Variants in PGCKA1 observed in about 807,000 individuals in gnomAD.
The protein encoded by PGCKA1 is PDCD10 and GCKIII kinases-associated protein 1.
At chr4:37,507,833 C>T in the PGCKA1 span, among the ~76,000 whole-genome samples, 2 of 152,148 alleles carry the variant, frequency 1.3e-5, no homozygotes, top group African/African-American at 4.8e-5. Flanking sequence ...GATTGAAATA[C>T]TCCCTTTAGC....
At chr4:37,494,436 A>G in the PGCKA1 span, among the ~76,000 whole-genome samples, 88 of 152,206 alleles carry the variant, frequency 5.8e-4, 1 homozygote, top group South Asian at 8.9e-3. Flanking sequence ...CAGCTCCATG[A>G]TCCTTCAAAG....
the PGCKA1 span, among the ~76,000 whole-genome samples, chr4:37,488,625 C>G: frequency 6.6e-6 from 1 of 152,146 alleles, no homozygotes. Context: ...TGGGAACTCT[C>G]CTGCCAGAGC....
chr4:37,590,895 T>C, the PGCKA1 span: 34 of 1,613,974 alleles, frequency 2.1e-5, no homozygotes, highest in Middle Eastern at 1.6e-4. Context: ...ATGGCTCCGA[T>C]GGAGATGGGG....
the PGCKA1 span, among the ~76,000 whole-genome samples, chr4:37,459,465 C>T: frequency 6.6e-6 from 1 of 152,116 alleles, no homozygotes; most frequent in Admixed American, 6.5e-5. Flanking sequence ...AGTTATTTGC[C>T]CTTAGTCACA....
chr4:37,538,279 T>A, the PGCKA1 span, among the ~76,000 whole-genome samples: 1 of 152,198 alleles, frequency 6.6e-6, no homozygotes, highest in South Asian at 2.1e-4. Context: ...TCACCTGTCC[T>A]TGGTAAATAA....
At chr4:37,485,782 A>G in the PGCKA1 span, among the ~76,000 whole-genome samples, 1 of 152,166 alleles carries the variant, frequency 6.6e-6, no homozygotes, top group African/African-American at 2.4e-5. Context: ...CATGTCAGTC[A>G]GCTACTTCCC....
chr4:37,580,265 AT>A, the PGCKA1 span, among the ~76,000 whole-genome samples: 1 of 142,274 alleles, frequency 7.0e-6, no homozygotes, highest in Non-Finnish European at 1.5e-5. Context: ...TTTCTCTAGG[AT>A]TGGTCCCTGG....
chr4:37,501,653 G>C, the PGCKA1 span, among the ~76,000 whole-genome samples: 1 of 152,154 alleles, frequency 6.6e-6, no homozygotes. Context: ...GGCAGGACTG[G>C]TGGTAACAAA....
chr4:37,457,923 A>G, the PGCKA1 span, among the ~76,000 whole-genome samples: 1 of 152,252 alleles, frequency 6.6e-6, no homozygotes, highest in Non-Finnish European at 1.5e-5. Context: ...AAATGTGGTT[A>G]CAGCCAAATG....
At chr4:37,472,120 G>A in the PGCKA1 span, among the ~76,000 whole-genome samples, 23,827 of 152,186 alleles carry the variant, frequency 0.16, 2,386 homozygotes, top group South Asian at 0.21. Context: ...TGCATACTGC[G>A]TGTGCCCCTG....
the PGCKA1 span, among the ~76,000 whole-genome samples, chr4:37,520,203 G>T: frequency 1.3e-5 from 2 of 152,128 alleles, no homozygotes; most frequent in African/African-American, 4.8e-5. Flanking sequence ...ATTTATCAGG[G>T]ATATTGGCTT....
the PGCKA1 span, among the ~76,000 whole-genome samples, chr4:37,482,256 A>G: frequency 1.3e-5 from 2 of 152,202 alleles, no homozygotes; most frequent in Non-Finnish European, 1.5e-5. Flanking sequence ...GAGAAGACAG[A>G]AAAATGTGGG....
the PGCKA1 span, chr4:37,454,051 TC>T: frequency 6.5e-6 from 1 of 153,316 alleles, no homozygotes; most frequent in East Asian, 1.9e-4. Context: ...GTAGGGACAA[TC>T]CCCCGCCCCG....
chr4:37,565,063 AG>A, the PGCKA1 span, among the ~76,000 whole-genome samples: 1 of 152,198 alleles, frequency 6.6e-6, no homozygotes, highest in African/African-American at 2.4e-5. Context: ...AGGAATTTAC[AG>A]TCCAGAGAAT....
chr4:37,491,534 C>A, the PGCKA1 span, among the ~76,000 whole-genome samples: 1 of 151,982 alleles, frequency 6.6e-6, no homozygotes, highest in African/African-American at 2.4e-5. Context: ...ATAATATTTG[C>A]CAATTGTTAA....
At chr4:37,580,305 ATT>A in the PGCKA1 span, among the ~76,000 whole-genome samples, 3 of 130,848 alleles carry the variant, frequency 2.3e-5, no homozygotes, top group African/African-American at 6.0e-5. Context: ...CGGTGAGGTC[ATT>A]TTTTTTTTTT....
chr4:37,455,229 A>G, the PGCKA1 span, among the ~76,000 whole-genome samples: 1 of 152,176 alleles, frequency 6.6e-6, no homozygotes, highest in Non-Finnish European at 1.5e-5. Flanking sequence ...AGTTGATACT[A>G]TTTTAGGAAG....
the PGCKA1 span, among the ~76,000 whole-genome samples, chr4:37,580,361 G>C: frequency 6.8e-6 from 1 of 147,872 alleles, no homozygotes; most frequent in Non-Finnish European, 1.5e-5. Flanking sequence ...TGGTGTCTGG[G>C]CATTGAACAA....
At chr4:37,525,028 G>C in the PGCKA1 span, among the ~76,000 whole-genome samples, 12 of 152,152 alleles carry the variant, frequency 7.9e-5, no homozygotes, top group Non-Finnish European at 1.6e-4. Context: ...TCCAAAATTT[G>C]TGCAGTCCGA....
Sources: allele counts gnomAD v4.1 joint callset (sites outside exome capture counted in the v4.1 genomes callset), GRCh38; gene constraint gnomAD v4.1.1; transcripts MANE v1.5; gene names NCBI Gene and HGNC (gene_info 2026-07-23, HGNC 2026-07-21).